Variants in TAOK3 observed in about 807,000 individuals in gnomAD.
TAOK3 encodes serine/threonine-protein kinase TAO3.
A neutral mutation model predicts 120.4 loss-of-function variants in TAOK3; 40 were observed. The observed-to-expected ratio is 0.33, with a 90% CI of 0.26 to 0.43. TAOK3 has a LOEUF of 0.43. Ranked by LOEUF, TAOK3 falls within the 20% of genes least tolerant of loss-of-function variation. TAOK3 has a pLI of 1.00. For missense variants in TAOK3, 821 were observed against 1,112.1 expected (o/e 0.74, Z 3.72); for synonymous variants, 355 against 387.5 (o/e 0.92, Z 0.99).
intron 1 of TAOK3, among the ~76,000 whole-genome samples, chr12:118,352,531 C>CATAT (rs201981089): frequency 2.6e-4 from 39 of 151,610 alleles, no homozygotes; most frequent in African/African-American, 9.5e-4. Context: ...TATATATACA[C>CATAT]ATATATATAC....
chr12:118,328,650 T>C (rs900980923), intron 1 of TAOK3, among the ~76,000 whole-genome samples: 2 of 152,220 alleles, frequency 1.3e-5, no homozygotes, highest in Non-Finnish European at 2.9e-5. Flanking sequence ...GGTAACATTT[T>C]ATGCTAATTA....
rs143456951 is a variant in TAOK3 at position 118,201,432 on chromosome 12, C to T, written c.851G>A (p.Arg284His). 4 of 1,612,704 alleles carry T rather than the reference C, an allele frequency of 2.5e-6. No homozygotes were observed. The highest frequency in any genetic ancestry group is 3.4e-6 in the Non-Finnish European group (4 of 1,179,384). The change falls in exon 12 of 21, where the codon CGT becomes CAT. Residue 284 changes from arginine (R) to histidine (H), a missense_variant. This residue lies in a region of TAOK3 where 467 missense variants were observed against 540.0 expected (regional missense o/e 0.86). Coordinates refer to ENST00000392533, the MANE Select transcript of TAOK3 (RefSeq NM_016281.4). ...CCTCTGTATGAGGTCAATGAGGACA[C>T]GTAGTGGCCGGTCTCGTCGAACAAA... ...HDFVRRDRPL[R>H]VLIDLIQRTK...
intron 11 of TAOK3, among the ~76,000 whole-genome samples, chr12:118,209,525 A>G (rs1055873383): frequency 1.3e-5 from 2 of 151,694 alleles, no homozygotes; most frequent in Non-Finnish European, 2.9e-5. Context: ...CAGCCACTCG[A>G]TTAGCTGGGA....
intron 1 of TAOK3, among the ~76,000 whole-genome samples, chr12:118,310,877 A>T (rs1186206028): frequency 1.3e-5 from 2 of 152,188 alleles, no homozygotes; most frequent in African/African-American, 2.4e-5. Flanking sequence ...GTTTTAGGGC[A>T]GTGGGAAAAC....
intron 1 of TAOK3, among the ~76,000 whole-genome samples, chr12:118,337,392 C>A (rs944345365): frequency 2.0e-5 from 3 of 152,164 alleles, no homozygotes; most frequent in African/African-American, 7.2e-5. Context: ...TACCATACAA[C>A]GCAGCAGTTG....
At chr12:118,330,553 A>G (rs1368114706) in intron 1 of TAOK3, among the ~76,000 whole-genome samples, 3 of 152,152 alleles carry the variant, frequency 2.0e-5, no homozygotes, top group Admixed American at 6.6e-5. Flanking sequence ...TGCAGTTGAT[A>G]GTTGGGCAAA....
chr12:118,265,846 T>C (rs927632929), intron 2 of TAOK3, among the ~76,000 whole-genome samples: 5 of 152,180 alleles, frequency 3.3e-5, no homozygotes, highest in African/African-American at 7.2e-5. Context: ...TAAGTTTGGG[T>C]TTCTTTGTAG....
Position 118,316,983 on chromosome 12 carries a change from G to A in TAOK3, c.-193-50224C>T, listed in dbSNP as rs145379990. Among the ~76,000 whole-genome samples the A allele has an allele frequency of 7.1e-3, 1,079 of 152,194 alleles. 7 individuals are homozygous for A. The highest frequency in any genetic ancestry group is 0.017 in the Middle Eastern group (5 of 294). On this transcript the variant is annotated intron_variant, in intron 1 of 20. Coordinates refer to ENST00000392533, the MANE Select transcript of TAOK3 (RefSeq NM_016281.4). ...ATGAAAACTACAAAACATTGCTGGG[G>A]CTGGGCACGGTGGCTCACGCCTGTA...
At chr12:118,273,703 C>G (rs2041806948) in intron 1 of TAOK3, among the ~76,000 whole-genome samples, 1 of 151,914 alleles carries the variant, frequency 6.6e-6, no homozygotes, top group African/African-American at 2.4e-5. Flanking sequence ...ATAATTCCAG[C>G]TACTCAGGAG....
Position 118,248,221 on chromosome 12 carries a change from C to T in TAOK3, c.121-3256G>A, listed in dbSNP as rs1174099021. ...TCAAAATGAAAAAAAAAAAAACCCA[C>T]AATAACGTACTACAGGAGTTTTTTT... On this transcript the variant is annotated intron_variant, in intron 3 of 20. Coordinates refer to ENST00000392533, the MANE Select transcript of TAOK3 (RefSeq NM_016281.4). Among the ~76,000 whole-genome samples the T allele has an allele frequency of 4.1e-5, 6 of 146,948 alleles. No homozygotes were observed. In the East Asian group the frequency reaches 1.2e-3, roughly 29 times the overall value.
chr12:118,360,390 A>G (rs1319697016), intron 1 of TAOK3, among the ~76,000 whole-genome samples: 1 of 151,492 alleles, frequency 6.6e-6, no homozygotes, highest in Non-Finnish European at 1.5e-5. Flanking sequence ...ACATGGTGAA[A>G]CCTCATCTCT....
chr12:118,258,568 G>T (rs996573775), intron 2 of TAOK3, among the ~76,000 whole-genome samples: 2 of 152,016 alleles, frequency 1.3e-5, no homozygotes, highest in African/African-American at 4.8e-5. Flanking sequence ...ACAAAAATTA[G>T]CTAGGTGTGG....
At chr12:118,349,979 G>A (rs1192013407) in intron 1 of TAOK3, among the ~76,000 whole-genome samples, 1 of 152,168 alleles carries the variant, frequency 6.6e-6, no homozygotes, top group African/African-American at 2.4e-5. Context: ...AGGATATAAT[G>A]CCTTACAAAG....
chr12:118,241,939 C>G (rs56033674), intron 5 of TAOK3, among the ~76,000 whole-genome samples: 1 of 151,786 alleles, frequency 6.6e-6, no homozygotes, highest in South Asian at 2.1e-4. Context: ...GGAGAAACCC[C>G]GTCTCTACTA....
chr12:118,157,704 T>C (rs1400152356), intron 19 of TAOK3, among the ~76,000 whole-genome samples: 1 of 152,212 alleles, frequency 6.6e-6, no homozygotes, highest in African/African-American at 2.4e-5. Flanking sequence ...ATAAACTCCA[T>C]AAAGACGTGA....
At chr12:118,297,736 G>A (rs2042735565) in intron 1 of TAOK3, among the ~76,000 whole-genome samples, 1 of 152,028 alleles carries the variant, frequency 6.6e-6, no homozygotes, top group Non-Finnish European at 1.5e-5. Flanking sequence ...TTATGTTTCT[G>A]TATTAAAATC....
intron 1 of TAOK3, among the ~76,000 whole-genome samples, chr12:118,319,046 C>CAATG (rs1406515947): frequency 6.6e-6 from 1 of 152,016 alleles, no homozygotes; most frequent in African/African-American, 2.4e-5. Context: ...GCAGAGAATA[C>CAATG]AATGGTGCTT....
chr12:118,303,681 C>G (rs1428138703), intron 1 of TAOK3, among the ~76,000 whole-genome samples: 1 of 152,132 alleles, frequency 6.6e-6, no homozygotes, highest in African/African-American at 2.4e-5. Flanking sequence ...GAGTTTTGCT[C>G]TTGTCACCCA....
chr12:118,361,918 A>AATAATC (rs1415077847), intron 1 of TAOK3, among the ~76,000 whole-genome samples: 1 of 151,822 alleles, frequency 6.6e-6, no homozygotes, highest in Non-Finnish European at 1.5e-5. Context: ...TAATAAAAAT[A>AATAATC]ATAATAATAA....
Sources: gnomAD v4.1 joint callset for allele counts (sites outside exome capture counted in the v4.1 genomes callset) on GRCh38, gnomAD v4.1.1 for gene constraint, gnomAD v4.1.1 regional missense constraint, MANE v1.5 for transcripts, NCBI Gene and HGNC (gene_info 2026-07-23, HGNC 2026-07-21) for gene names.